The following TBC1D4 variants were observed in gnomAD, a reference collection of about 807,000 sequenced individuals.
The protein encoded by TBC1D4 is TBC (Tre-2, BUB2, CDC16) domain-containing protein.
Under a neutral mutation model 142.5 loss-of-function variants are expected in TBC1D4, and 121 were observed. The observed-to-expected ratio is 0.85, with a 90% CI of 0.73 to 0.99. TBC1D4 has a LOEUF of 0.99. Ranked by LOEUF, TBC1D4 falls within the 50% of genes least tolerant of loss-of-function variation. The pLI is 0.00. For synonymous variants in TBC1D4, 630 were observed against 628.2 expected, an observed-to-expected ratio of 1.00 and a Z score of -0.04; for missense variants, 1,475 against 1,606.6, an observed-to-expected ratio of 0.92 and a Z score of 1.40.
At chr13:75,336,823 TTTTTG>T in intron 8 of TBC1D4, 93 bp downstream of exon 8, 1 of 1,391,008 alleles carries the variant, frequency 7.2e-7, no homozygotes, top group Non-Finnish European at 9.9e-7. Context: ...TTTTGTTTGT[TTTTTG>T]TTTTAAGGAA....
chr13:75,480,753 G>T (rs1023675635), intron 1 of TBC1D4, among the ~76,000 whole-genome samples: 2 of 152,184 alleles, frequency 1.3e-5, no homozygotes, highest in Non-Finnish European at 2.9e-5. Flanking sequence ...AGACCTGCAG[G>T]TGCTGCTGCG....
At chr13:75,378,075 G>A (rs1883622665) in intron 1 of TBC1D4, among the ~76,000 whole-genome samples, 1 of 151,926 alleles carries the variant, frequency 6.6e-6, no homozygotes, top group East Asian at 1.9e-4. Context: ...GCTATATGTG[G>A]CTTTTTGTTA....
intron 1 of TBC1D4, among the ~76,000 whole-genome samples, chr13:75,476,856 C>G (rs1257104095): frequency 6.6e-6 from 1 of 152,182 alleles, no homozygotes; most frequent in Admixed American, 6.5e-5. Flanking sequence ...GTCCAGTGGT[C>G]TCTTTTAAGA....
intron 13 of TBC1D4, among the ~76,000 whole-genome samples, chr13:75,311,673 T>C (rs1250403433): frequency 6.6e-6 from 1 of 152,054 alleles, no homozygotes; most frequent in Admixed American, 6.5e-5. Flanking sequence ...CTTCTAAGAG[T>C]AGTTTTCTAT....
intron 12 of TBC1D4, among the ~76,000 whole-genome samples, chr13:75,314,763 T>TTGAGAC (rs1878125887): frequency 6.7e-6 from 1 of 148,282 alleles, no homozygotes; most frequent in African/African-American, 2.5e-5. Flanking sequence ...GGTCAGGAGT[T>TTGAGAC]CAAGAGTAGC....
intron 1 of TBC1D4, among the ~76,000 whole-genome samples, chr13:75,369,497 TCACACA>T (rs67470405): frequency 2.0e-3 from 303 of 150,650 alleles, no homozygotes; most frequent in Middle Eastern, 3.4e-3. Context: ...AGACCCTGTC[TCACACA>T]CACACACACA....
At position 75,362,076 on chromosome 13, in the gene TBC1D4, T is replaced by C; in HGVS notation, c.1030A>G (p.Ser344Gly). 1 of 1,614,066 alleles carries C rather than the reference T, an allele frequency of 6.2e-7. No individual in the cohort carries two copies. Among genetic ancestry groups the C allele is most frequent in the Non-Finnish European group, 8.5e-7 (1 of 1,180,002 alleles). Residue 344 changes from serine to glycine, a missense_variant, in exon 2 of 21, where the codon AGT becomes GGT. This residue lies in a region of TBC1D4 where 1,227 missense variants were observed against 1,267.7 expected (regional missense o/e 0.97). Coordinates refer to ENST00000377636, the MANE Select transcript of TBC1D4 (RefSeq NM_014832.5). This position sits in a 1 kb window ranked among gnomAD's most constrained non-coding sequence, Gnocchi z 4.2. ...QPRRRHASAP[S>G]HVQPSDSEKN... ...TCCGAGTCCGAGGGCTGGACGTGAC[T>C]GGGTGCGCTCGCGTGTCTCCGTCGC...
At chr13:75,380,570 A>T (rs1883781533) in intron 1 of TBC1D4, among the ~76,000 whole-genome samples, 1 of 151,606 alleles carries the variant, frequency 6.6e-6, no homozygotes, top group Non-Finnish European at 1.5e-5. Context: ...GGCATGAAAC[A>T]CTGAATTTAC....
intron 1 of TBC1D4, among the ~76,000 whole-genome samples, chr13:75,420,827 CA>C (rs1220892981): frequency 2.0e-5 from 3 of 151,698 alleles, no homozygotes; most frequent in East Asian, 1.9e-4. Flanking sequence ...GGAAATCATT[CA>C]GGGGGAAAGG....
intron 1 of TBC1D4, among the ~76,000 whole-genome samples, chr13:75,435,376 T>C (rs938163921): frequency 1.3e-5 from 2 of 149,788 alleles, no homozygotes; most frequent in African/African-American, 4.9e-5. Flanking sequence ...AACTTTGATA[T>C]AAGTGACATA....
intron 1 of TBC1D4, among the ~76,000 whole-genome samples, chr13:75,472,824 G>T (rs1050375137): frequency 5.3e-5 from 8 of 152,108 alleles, no homozygotes; most frequent in African/African-American, 1.9e-4. Context: ...TGGAAATCTG[G>T]GAGCAATAAT....
intron 1 of TBC1D4, among the ~76,000 whole-genome samples, chr13:75,393,067 G>A (rs1043440445): frequency 2.4e-4 from 36 of 147,802 alleles, no homozygotes; most frequent in African/African-American, 7.5e-4. Context: ...CTTCTCTATG[G>A]GCGTCATCTC....
chr13:75,304,856 A>G (rs1251790392), intron 15 of TBC1D4, among the ~76,000 whole-genome samples: 2 of 152,232 alleles, frequency 1.3e-5, no homozygotes, highest in Non-Finnish European at 1.5e-5. Flanking sequence ...AGCAAAGGAC[A>G]TATCAGTGCT....
At chr13:75,349,910 T>C (rs994515658) in intron 4 of TBC1D4, among the ~76,000 whole-genome samples, 2 of 152,216 alleles carry the variant, frequency 1.3e-5, no homozygotes, top group Non-Finnish European at 2.9e-5. Flanking sequence ...AGGTCTTACA[T>C]AGAGGCATCT....
chr13:75,378,955 T>A (rs934757361), intron 1 of TBC1D4, among the ~76,000 whole-genome samples: 1 of 152,284 alleles, frequency 6.6e-6, no homozygotes, highest in Admixed American at 6.5e-5. Flanking sequence ...ATTTGCAGTA[T>A]GGCAGTTTTA....
At chr13:75,424,594 C>T (rs1886304684) in intron 1 of TBC1D4, among the ~76,000 whole-genome samples, 1 of 152,106 alleles carries the variant, frequency 6.6e-6, no homozygotes, top group African/African-American at 2.4e-5. Context: ...GAAGGCATCA[C>T]ACTACCTGAT....
At chr13:75,395,864 G>A (rs148411789) in intron 1 of TBC1D4, among the ~76,000 whole-genome samples, 5 of 152,032 alleles carry the variant, frequency 3.3e-5, no homozygotes, top group African/African-American at 1.2e-4. Flanking sequence ...ATAAATAAAA[G>A]AAATGATACC....
chr13:75,415,171 T>C (rs1412415149), intron 1 of TBC1D4, among the ~76,000 whole-genome samples: 1 of 150,430 alleles, frequency 6.6e-6, no homozygotes, highest in Non-Finnish European at 1.5e-5. Context: ...GATAGGTCAC[T>C]GATTTATTAC....
chr13:75,308,659 T>G (rs977668569), intron 14 of TBC1D4, among the ~76,000 whole-genome samples: 1 of 152,226 alleles, frequency 6.6e-6, no homozygotes, highest in African/African-American at 2.4e-5. Flanking sequence ...GACCACCTTT[T>G]TTTCAACCTC....
Sources: allele counts gnomAD v4.1 joint callset (sites outside exome capture counted in the v4.1 genomes callset), GRCh38; gene constraint gnomAD v4.1.1; regional missense constraint gnomAD v4.1.1; non-coding constraint Gnocchi (gnomAD v3.1); transcripts MANE v1.5; gene names NCBI Gene and HGNC (gene_info 2026-07-23, HGNC 2026-07-21).